The following GPM6B variants were observed in gnomAD, a reference collection of about 807,000 sequenced individuals.
GPM6B encodes the protein glycoprotein M6B, also known as neuronal membrane glycoprotein M6-b.
Under a neutral mutation model 27.2 loss-of-function variants are expected in GPM6B, and 4 were observed. The ratio of observed to expected loss-of-function variants is 0.15; its 90% CI spans 0.07 to 0.34. The LOEUF (loss-of-function observed/expected upper bound fraction) is 0.34, where lower values mean the gene tolerates loss of function less well. GPM6B is among the 10% of genes least tolerant of loss of function. The pLI is 1.00. For missense variants in GPM6B, 183 were observed against 261.9 expected (o/e 0.70, Z 2.08); for synonymous variants, 124 against 103.1 (o/e 1.20, Z -1.23).
chrX:13,778,693 A>G (rs968783200), intron 5 of GPM6B, among the ~76,000 whole-genome samples: 1 of 112,359 alleles, frequency 8.9e-6, no homozygotes, highest in Admixed American at 9.4e-5. Flanking sequence ...GAGGATTTAA[A>G]AAGATGATTG....
chrX:13,920,066 C>T (rs1048152339), intron 1 of GPM6B, among the ~76,000 whole-genome samples: 4 of 109,476 alleles, frequency 3.7e-5, no homozygotes, highest in African/African-American at 6.7e-5. Context: ...GAGTTCGAGA[C>T]CAGCCCGGCC....
chrX:13,862,360 G>C (rs773438423), intron 1 of GPM6B, among the ~76,000 whole-genome samples: 3 of 111,701 alleles, frequency 2.7e-5, no homozygotes, highest in African/African-American at 9.8e-5. Flanking sequence ...TCACGTGCCT[G>C]AGTTTGTGAG....
intron 1 of GPM6B, among the ~76,000 whole-genome samples, chrX:13,934,513 T>A (rs1453238649): frequency 9.0e-6 from 1 of 111,328 alleles, no homozygotes; most frequent in African/African-American, 3.3e-5. Flanking sequence ...AAGCTGGAAG[T>A]GTTAAAGAGG....
chrX:13,795,742 C>CT (rs146240939), intron 2 of GPM6B, among the ~76,000 whole-genome samples: 6,163 of 82,708 alleles, frequency 0.075, 309 homozygotes, highest in East Asian at 0.2. Flanking sequence ...AATTTCTTTT[C>CT]TTTTTTTTTT....
upstream of GPM6B, among the ~76,000 whole-genome samples, chrX:13,822,019 G>A (rs767071885): frequency 2.6e-4 from 29 of 111,830 alleles, no homozygotes; most frequent in African/African-American, 9.4e-4. Flanking sequence ...TTTGTCAAAT[G>A]CCTCCTTCCA....
rs187676310 is a variant in GPM6B at position 13,853,235 on chromosome X, T to C, written c.-197-67427A>G. Among the ~76,000 whole-genome samples the C allele has an allele frequency of 6.3e-5, 7 of 111,295 alleles. No individual in the cohort carries two copies. In the East Asian group the frequency reaches 2.0e-3, roughly 31 times the overall value. Reference sequence around the variant, plus strand: ...TTCTGAGATTCGACAGAAGGATCCATGGGACTTAGTATATAGTTGTACTTA... The same window carrying C: ...TTCTGAGATTCGACAGAAGGATCCACGGGACTTAGTATATAGTTGTACTTA... On this transcript the variant is annotated intron_variant, in intron 1 of 6. Transcript: ENST00000398361.
Position 13,827,732 on chromosome X carries a change from G to A in GPM6B, c.-197-41924C>T, listed in dbSNP as rs761170629. On this transcript the variant is annotated intron_variant, in intron 1 of 6. Coordinates refer to the GPM6B transcript ENST00000398361. ...GGTTAAATCACAGGACACTTGGGCT[G>A]TAAAAGTTCTCACAACAGAAGTTGG... is the stretch of plus-strand genomic sequence containing the variant. 5.3e-5 allele frequency among the ~76,000 whole-genome samples: 6 copies of A among 112,351 alleles called. No homozygotes were observed. In the South Asian group the frequency reaches 1.5e-3, roughly 28 times the overall value.
At chrX:13,880,478 AT>A (rs2050083668) in intron 1 of GPM6B, among the ~76,000 whole-genome samples, 2 of 109,269 alleles carry the variant, frequency 1.8e-5, no homozygotes, top group African/African-American at 3.4e-5. Flanking sequence ...GATTGAGACC[AT>A]CCCTGGCTAA....
At chrX:13,801,594 A>G (rs1275596725) in intron 2 of GPM6B, among the ~76,000 whole-genome samples, 1 of 112,089 alleles carries the variant, frequency 8.9e-6, no homozygotes, top group African/African-American at 3.2e-5. Context: ...GCCACAGACA[A>G]TCAAATGGGC....
chrX:13,849,478 T>G (rs1184132432), intron 1 of GPM6B, among the ~76,000 whole-genome samples: 7 of 111,811 alleles, frequency 6.3e-5, no homozygotes, highest in Non-Finnish European at 1.3e-4. Flanking sequence ...CATGGGTGTA[T>G]CATAAATACA....
intron 2 of GPM6B, among the ~76,000 whole-genome samples, chrX:13,802,551 T>TA (rs2048942075): frequency 1.1e-5 from 1 of 92,456 alleles, no homozygotes; most frequent in Admixed American, 1.5e-4. Context: ...TATAAATTAT[T>TA]TTATATATAT....
At chrX:13,847,329 G>T (rs766362744) in intron 1 of GPM6B, among the ~76,000 whole-genome samples, 1 of 111,957 alleles carries the variant, frequency 8.9e-6, no homozygotes, top group African/African-American at 3.2e-5. Flanking sequence ...ATTTACCAAT[G>T]AGTTTCTCTC....
At chrX:13,827,735 A>T (rs1474965681) in intron 1 of GPM6B, among the ~76,000 whole-genome samples, 1 of 112,320 alleles carries the variant, frequency 8.9e-6, no homozygotes, top group Non-Finnish European at 1.9e-5. Flanking sequence ...TTGGGCTGTA[A>T]AAGTTCTCAC....
chrX:13,772,854 C>G lies in GPM6B; in HGVS notation c.*27G>C, dbSNP rs898272539. The stretch of plus-strand genomic sequence containing the variant: ...TGATGATTTGTCAGAGCTGTAAATA[C>G]GTCGGCCGAAACACTCTGGCAAACA... On this transcript the variant is annotated 3_prime_UTR_variant, in exon 8 of 8. Transcript: ENST00000316715. 9 of 1,197,554 alleles carry G rather than the reference C, an allele frequency of 7.5e-6. No individual in the cohort carries two copies. In the African/African-American group the frequency reaches 1.2e-4, roughly 16 times the overall value.
chrX:13,823,327 G>A (rs897639078), intron 1 of GPM6B, among the ~76,000 whole-genome samples: 4 of 111,939 alleles, frequency 3.6e-5, no homozygotes, highest in Admixed American at 9.4e-5. Context: ...GGCTAACATC[G>A]ATGACAATGA....
chrX:13,938,255 G>A (rs1456274460), intron 1 of GPM6B: 3 of 258,875 alleles, frequency 1.2e-5, no homozygotes, highest in East Asian at 5.5e-5. Flanking sequence ...CGAGCCGCAC[G>A]TGCGGGGGTG....
chrX:13,773,264 C>A, intron 7 of GPM6B: 3 of 272,463 alleles, frequency 1.1e-5, no homozygotes, highest in Non-Finnish European at 1.9e-5. Context: ...AAAAAAATGG[C>A]CAAAGGTATT....
chrX:13,773,090 CTAGT>C lies in GPM6B; in HGVS notation c.838-64_838-61del, dbSNP rs1241363825. 6.6e-6 allele frequency: 7 copies of C among 1,056,645 alleles called. No homozygotes were observed. In the African/African-American group the frequency reaches 9.2e-5, roughly 14 times the overall value. The allele number at this position is 1,056,645 out of a possible 1,213,427, so 87.1% of individuals were successfully genotyped here. On this transcript the variant is annotated intron_variant, in intron 7 of 7. Coordinates refer to ENST00000316715, the MANE Select transcript of GPM6B (RefSeq NM_001001995.3). ...CATTGTGAGAAGGCAAAGCGAGGCG[CTAGT>C]TAGATTAGACAGACTTGACTTTAAA...
At chrX:13,843,730 T>C (rs1483225222) in intron 1 of GPM6B, among the ~76,000 whole-genome samples, 1 of 112,442 alleles carries the variant, frequency 8.9e-6, no homozygotes, top group Non-Finnish European at 1.9e-5. Flanking sequence ...TATTTGTAAA[T>C]TTTTTAGAGA....
Sources: allele counts gnomAD v4.1 joint callset (sites outside exome capture counted in the v4.1 genomes callset), GRCh38; gene constraint gnomAD v4.1.1; transcripts MANE v1.5; gene names NCBI Gene and HGNC (gene_info 2026-07-23, HGNC 2026-07-21).